Variants in PRKG1 observed in about 807,000 individuals in gnomAD.
PRKG1 encodes cGMP-dependent protein kinase 1.
In PRKG1, 35 loss-of-function variants were observed where a neutral mutation model predicts 88.1. That is an observed-to-expected ratio of 0.40 (90% CI 0.30 to 0.53). PRKG1 has a LOEUF of 0.53. PRKG1 is among the 20% of genes least tolerant of loss of function. The probability of loss-of-function intolerance (pLI) is 0.59; values close to 1 mark genes in which losing one functional copy is unlikely to be tolerated. For synonymous variants in PRKG1, 303 were observed against 292.5 expected (o/e 1.04, Z -0.37); for missense variants, 540 against 839.8 (o/e 0.64, Z 4.41).
chr10:51,040,722 A>G (rs1345485626), intron 1 of PRKG1, among the ~76,000 whole-genome samples: 1 of 152,140 alleles, frequency 6.6e-6, no homozygotes, highest in Non-Finnish European at 1.5e-5. Flanking sequence ...TAGCTATTGT[A>G]AATGGGATTA....
At chr10:51,918,547 A>G (rs1202742239) in intron 5 of PRKG1, among the ~76,000 whole-genome samples, 1 of 152,168 alleles carries the variant, frequency 6.6e-6, no homozygotes, top group Non-Finnish European at 1.5e-5. Flanking sequence ...AATCTGCAAT[A>G]AATCAGCTTT....
At chr10:51,802,262 T>C (rs761452195) in intron 3 of PRKG1, among the ~76,000 whole-genome samples, 2 of 152,156 alleles carry the variant, frequency 1.3e-5, no homozygotes, top group Non-Finnish European at 2.9e-5. Context: ...CAAAGCTAAA[T>C]ATAAAAATGG....
intron 1 of PRKG1, among the ~76,000 whole-genome samples, chr10:51,104,147 C>T (rs185440017): frequency 7.2e-5 from 11 of 152,018 alleles, no homozygotes; most frequent in African/African-American, 2.7e-4. Context: ...TCTATAGTAG[C>T]AAGTAAATAG....
At chr10:51,196,602 T>C (rs536764059) in intron 2 of PRKG1, among the ~76,000 whole-genome samples, 4 of 152,164 alleles carry the variant, frequency 2.6e-5, no homozygotes, top group Non-Finnish European at 4.4e-5. Context: ...GAAAATGCCT[T>C]AAGTTTGATA....
chr10:51,178,467 G>C (rs964924518), intron 2 of PRKG1, among the ~76,000 whole-genome samples: 2 of 151,998 alleles, frequency 1.3e-5, no homozygotes, highest in African/African-American at 4.8e-5. Context: ...CAAACCCCAT[G>C]TCTACAGAAA....
chr10:51,503,757 C>A (rs1365277700), intron 3 of PRKG1, among the ~76,000 whole-genome samples: 2 of 152,054 alleles, frequency 1.3e-5, no homozygotes, highest in Non-Finnish European at 2.9e-5. Flanking sequence ...CTTGAAAGAG[C>A]TTTATTTTTC....
At chr10:51,676,766 C>G (rs1416825001) in intron 3 of PRKG1, among the ~76,000 whole-genome samples, 9 of 152,148 alleles carry the variant, frequency 5.9e-5, no homozygotes, top group African/African-American at 1.9e-4. Context: ...TGTGACAACA[C>G]TTATTTTAAA....
intron 2 of PRKG1, among the ~76,000 whole-genome samples, chr10:51,449,442 G>A (rs1327772476): frequency 6.7e-6 from 1 of 149,420 alleles, no homozygotes; most frequent in East Asian, 1.9e-4. Context: ...TAATCCTGGA[G>A]ATGTCAACTG....
intron 1 of PRKG1, among the ~76,000 whole-genome samples, chr10:51,038,290 A>G (rs986980327): frequency 9.2e-5 from 14 of 152,224 alleles, no homozygotes; most frequent in African/African-American, 3.1e-4. Context: ...TGGGGTCTCT[A>G]TTACCTCAAG....
At chr10:51,010,058 G>A (rs1385551937) in intron 1 of PRKG1, among the ~76,000 whole-genome samples, 1 of 152,234 alleles carries the variant, frequency 6.6e-6, no homozygotes, top group Non-Finnish European at 1.5e-5. Context: ...AGTGGAAGGA[G>A]GGGTCAGGAG....
chr10:51,722,866 C>T (rs966717166), intron 3 of PRKG1, among the ~76,000 whole-genome samples: 1 of 152,168 alleles, frequency 6.6e-6, no homozygotes, highest in Non-Finnish European at 1.5e-5. Context: ...AAATCTCAGT[C>T]TCGCAGAAAA....
In PRKG1 at chr10:52,052,424, A is replaced by AAAT. The variant is rs143155555; in HGVS notation, c.763-2041_763-2039dup. ...AAAACCTCTCTCTACAAAAAAAATA[A>AAAT]AATAATAATAATAATAATAATTAAA... On this transcript the variant is annotated intron_variant, in intron 5 of 17. Coordinates refer to ENST00000373980, the MANE Select transcript of PRKG1 (RefSeq NM_006258.4). 5.2e-3 allele frequency among the ~76,000 whole-genome samples: 781 copies of AAAT among 150,220 alleles called. 5 individuals are homozygous for AAAT. Among genetic ancestry groups the AAAT allele is most frequent in the African/African-American group, 0.014 (561 of 41,134 alleles).
chr10:51,104,646 A>C (rs1254148289), intron 1 of PRKG1, among the ~76,000 whole-genome samples: 1 of 151,884 alleles, frequency 6.6e-6, no homozygotes, highest in Admixed American at 6.6e-5. Context: ...CAGCCTCTGG[A>C]GTAGCTGTGA....
chr10:52,192,392 G>A (rs1839389013), intron 9 of PRKG1, among the ~76,000 whole-genome samples: 1 of 152,040 alleles, frequency 6.6e-6, no homozygotes, highest in Non-Finnish European at 1.5e-5. Context: ...ACATTTTTAG[G>A]AGGAAGAAGT....
At chr10:51,755,691 C>T (rs949206043) in intron 3 of PRKG1, among the ~76,000 whole-genome samples, 2 of 152,202 alleles carry the variant, frequency 1.3e-5, no homozygotes, top group Admixed American at 6.5e-5. Flanking sequence ...ATTTATTTAA[C>T]CAGCATTCTG....
At chr10:51,350,949 T>A (rs1358386907) in intron 2 of PRKG1, among the ~76,000 whole-genome samples, 1 of 152,106 alleles carries the variant, frequency 6.6e-6, no homozygotes, top group Non-Finnish European at 1.5e-5. Context: ...TGGTGTGTGA[T>A]GTTCCCCTCC....
intron 2 of PRKG1, among the ~76,000 whole-genome samples, chr10:51,437,360 C>A (rs778172145): frequency 6.6e-6 from 1 of 151,958 alleles, no homozygotes. Flanking sequence ...GATATACACA[C>A]GGGCAAACAT....
In PRKG1 at chr10:51,295,293, G is replaced by A. The variant is rs547712343; in HGVS notation, c.478+141963G>A. 1.3e-3 allele frequency among the ~76,000 whole-genome samples: 196 copies of A among 152,050 alleles called. 3 individuals are homozygous for A. The highest frequency in any genetic ancestry group is 3.3e-3 in the Admixed American group (50 of 15,262). ...CATGTATGTCTTTCCATTTGTCTGT[G>A]TCTTTTTAAATTTTCTTCATCAATA... On this transcript the variant is annotated intron_variant, in intron 2 of 17. Transcript: ENST00000373980.
chr10:51,303,385 A>C (rs1408489808), intron 2 of PRKG1, among the ~76,000 whole-genome samples: 2 of 149,494 alleles, frequency 1.3e-5, no homozygotes, highest in Admixed American at 1.3e-4. Flanking sequence ...GCAATCATCA[A>C]ACAGGCCTAT....
Sources: gnomAD v4.1 joint callset for allele counts (sites outside exome capture counted in the v4.1 genomes callset) on GRCh38, gnomAD v4.1.1 for gene constraint, MANE v1.5 for transcripts, NCBI Gene and HGNC (gene_info 2026-07-23, HGNC 2026-07-21) for gene names.